SMARCA2: variants seen among roughly 807,000 people sequenced by gnomAD.
SMARCA2 encodes the protein SWI/SNF-related matrix-associated actin-dependent regulator of chromatin subfamily A member 2.
A neutral mutation model predicts 199.8 loss-of-function variants in SMARCA2; 61 were observed. The ratio of observed to expected loss-of-function variants is 0.31; its 90% CI spans 0.25 to 0.38. SMARCA2 has a LOEUF of 0.38. Ranked by LOEUF, SMARCA2 falls within the 10% of genes least tolerant of loss-of-function variation. The probability of loss-of-function intolerance (pLI) is 1.00; values close to 1 mark genes in which losing one functional copy is unlikely to be tolerated. For synonymous variants in SMARCA2, 935 were observed against 732.0 expected (o/e 1.28, Z -4.48); for missense variants, 1,344 against 2,012.2 (o/e 0.67, Z 6.35).
chr9:2,029,273 C>A, intron 2 of SMARCA2, 26 bp downstream of exon 2: 1 of 1,590,958 alleles, frequency 6.3e-7, no homozygotes, highest in Non-Finnish European at 8.6e-7. Context: ...CCCATTCAAA[C>A]TCAACTTCTG....
chr9:2,122,124 A>T (rs895723259), intron 26 of SMARCA2, among the ~76,000 whole-genome samples: 1 of 152,168 alleles, frequency 6.6e-6, no homozygotes, highest in Non-Finnish European at 1.5e-5. Flanking sequence ...AAGAAAAAAG[A>T]AACAAGTGCA....
chr9:2,067,439 A>T (rs533792662), intron 9 of SMARCA2, among the ~76,000 whole-genome samples: 29 of 152,336 alleles, frequency 1.9e-4, no homozygotes, highest in African/African-American at 6.7e-4. Context: ...TGCGACAGCC[A>T]GTCTTAATTA....
rs1473004607 is a variant in SMARCA2 at position 2,070,451 on chromosome 9, G to A, written c.1726G>A (p.Ala576Thr). 1.7e-5 allele frequency: 27 copies of A among 1,613,792 alleles called. No individual in the cohort carries two copies. The highest frequency in any genetic ancestry group is 2.3e-5 in the Non-Finnish European group (27 of 1,179,838). Residue 576 changes from alanine (A) to threonine (T), a missense_variant, in exon 10 of 34, where the codon GCC (alanine) becomes ACC (threonine). Ala to Thr is a moderately conservative substitution (Grantham distance 58). This residue lies in a region of SMARCA2 where 68 missense variants were observed against 70.4 expected (regional missense o/e 0.97). Coordinates refer to ENST00000349721, the MANE Select transcript of SMARCA2 (RefSeq NM_003070.5). ...GGAGAATGCAGAGGGTGGGGAGTCT[G>A]CCCTGGGACCGGATGGAGAGGTAAG... ...AEENAEGGES[A>T]LGPDGEPIDE... is the part of the protein sequence containing the mutation.
intron 22 of SMARCA2, among the ~76,000 whole-genome samples, chr9:2,102,390 G>A (rs1010199116): frequency 1.3e-5 from 2 of 152,086 alleles, no homozygotes; most frequent in Non-Finnish European, 2.9e-5. Flanking sequence ...CAGCTATAGG[G>A]TATTTGGAGA....
intron 27 of SMARCA2, among the ~76,000 whole-genome samples, chr9:2,148,205 T>TGTAA (rs1824866560): frequency 2.6e-5 from 4 of 151,816 alleles, no homozygotes; most frequent in Non-Finnish European, 5.9e-5. Context: ...TATTCATTTA[T>TGTAA]GTAAGTACTA....
At chr9:2,188,305 T>G (rs187001857) in intron 32 of SMARCA2, among the ~76,000 whole-genome samples, 2 of 152,164 alleles carry the variant, frequency 1.3e-5, no homozygotes, top group African/African-American at 4.8e-5. Context: ...TACCCATAGA[T>G]TATTGAAAAG....
intron 9 of SMARCA2, among the ~76,000 whole-genome samples, chr9:2,067,987 A>G (rs1285575250): frequency 1.3e-5 from 2 of 152,190 alleles, no homozygotes; most frequent in African/African-American, 2.4e-5. Flanking sequence ...CACTTGCTAG[A>G]TATTTGAAAT....
In SMARCA2 at chr9:2,056,630, C is replaced by A; in HGVS notation, c.1174-42C>A. The A allele has an allele frequency of 1.3e-6, 2 of 1,579,152 alleles. No individual in the cohort carries two copies. Among genetic ancestry groups the A allele is most frequent in the South Asian group, 1.2e-5 (1 of 86,786 alleles). On this transcript the variant is annotated intron_variant, in intron 6 of 33. Coordinates refer to ENST00000349721, the MANE Select transcript of SMARCA2 (RefSeq NM_003070.5). The surrounding 1 kb of genome is among the most constrained non-coding windows in gnomAD (Gnocchi z 4.0). ...AGAAGGCCAGAGTTCAGGAACCTAGCTTCTGTTAGGGAAGGCTGTCTAACT... is the reference window on the plus strand; with the variant it reads ...AGAAGGCCAGAGTTCAGGAACCTAGATTCTGTTAGGGAAGGCTGTCTAACT...
At chr9:2,062,957 A>C (rs1820669260) in intron 9 of SMARCA2, among the ~76,000 whole-genome samples, 1 of 152,084 alleles carries the variant, frequency 6.6e-6, no homozygotes, top group African/African-American at 2.4e-5. Flanking sequence ...ATTTCTTGGC[A>C]AACGCGTAAT....
At chr9:2,174,600 C>T (rs929476007) in intron 29 of SMARCA2, among the ~76,000 whole-genome samples, 2 of 152,240 alleles carry the variant, frequency 1.3e-5, no homozygotes, top group Admixed American at 1.3e-4. Flanking sequence ...CAGCCAAAAG[C>T]TTTGAAGCAT....
At chr9:2,138,434 A>G (rs1014074270) in intron 27 of SMARCA2, among the ~76,000 whole-genome samples, 9 of 152,218 alleles carry the variant, frequency 5.9e-5, no homozygotes, top group African/African-American at 1.7e-4. Flanking sequence ...TAAGGTCACT[A>G]TGCTCTTAGG....
chr9:2,045,223 T>C (rs1044706059), intron 4 of SMARCA2: 19 of 152,266 alleles, frequency 1.2e-4, no homozygotes, highest in Admixed American at 1.2e-3. Flanking sequence ...GACCTAAAGA[T>C]GGTTGCTTTT....
intron 9 of SMARCA2, among the ~76,000 whole-genome samples, chr9:2,070,041 A>C (rs1821023464): frequency 6.6e-6 from 1 of 152,178 alleles, no homozygotes; most frequent in South Asian, 2.1e-4. Flanking sequence ...AAACTTGCTT[A>C]GGGGATAGGA....
intron 4 of SMARCA2, among the ~76,000 whole-genome samples, chr9:2,046,340 A>G (rs1194532094): frequency 6.6e-6 from 1 of 152,228 alleles, no homozygotes; most frequent in Non-Finnish European, 1.5e-5. Flanking sequence ...TAACTTAATC[A>G]ATGCACTTTG....
Position 2,123,838 on chromosome 9 carries a change from C to T in SMARCA2, c.3882C>T (p.Leu1294=). ...AGGATGACGCTGAAGTAGAAAGGCT[C>T]ACCTGTGAAGAAGAGGAGGAGAAAA... ...IIKDDAEVER[L]TCEEEEEKIF... is the part of the protein sequence containing the mutation. Residue 1294 remains leucine (L), a synonymous_variant, in exon 27 of 34, where the codon CTC becomes CTT. Coordinates refer to ENST00000349721, the MANE Select transcript of SMARCA2 (RefSeq NM_003070.5). The surrounding 1 kb of genome is among the most constrained non-coding windows in gnomAD (Gnocchi z 4.1). 6.2e-7 allele frequency: 1 copy of T among 1,612,182 alleles called. No individual in the cohort carries two copies. The highest frequency in any genetic ancestry group is 8.5e-7 in the Non-Finnish European group (1 of 1,179,272).
intron 14 of SMARCA2, 59 bp from the exon 15 acceptor site, chr9:2,081,773 A>G (rs1215621458): frequency 1.1e-5 from 16 of 1,519,464 alleles, no homozygotes; most frequent in East Asian, 2.3e-5. Context: ...CTTGGGTTGT[A>G]TTAGGATTAA....
intron 4 of SMARCA2, chr9:2,045,750 A>G (rs934488893): frequency 6.6e-6 from 1 of 151,840 alleles, no homozygotes; most frequent in African/African-American, 2.4e-5. Context: ...TGAAGAAGAA[A>G]TCTTACCTTG....
At chr9:2,167,904 G>C (rs1826014257) in intron 28 of SMARCA2, among the ~76,000 whole-genome samples, 1 of 152,124 alleles carries the variant, frequency 6.6e-6, no homozygotes, top group South Asian at 2.1e-4. Flanking sequence ...AGCTGGCCTG[G>C]GGAATTCAGG....
At chr9:2,090,207 A>T (rs1212618028) in intron 19 of SMARCA2, among the ~76,000 whole-genome samples, 1 of 152,200 alleles carries the variant, frequency 6.6e-6, no homozygotes, top group Non-Finnish European at 1.5e-5. Flanking sequence ...TACTTGAAGG[A>T]TGATAAAATT....
Sources: allele counts gnomAD v4.1 joint callset (sites outside exome capture counted in the v4.1 genomes callset), GRCh38; gene constraint gnomAD v4.1.1; regional missense constraint gnomAD v4.1.1; non-coding constraint Gnocchi (gnomAD v3.1); transcripts MANE v1.5; gene names NCBI Gene and HGNC (gene_info 2026-07-23, HGNC 2026-07-21).